Variants in PTPRZ1 observed in about 807,000 individuals in gnomAD.
PTPRZ1 encodes receptor-type tyrosine-protein phosphatase zeta.
A neutral mutation model predicts 214.1 loss-of-function variants in PTPRZ1; 82 were observed. That is an observed-to-expected ratio of 0.38 (90% CI 0.32 to 0.46). PTPRZ1 has a LOEUF of 0.46. Among genes scored for constraint, PTPRZ1 ranks in the 20% least tolerant of loss-of-function variants. PTPRZ1 has a pLI of 1.00. For missense variants in PTPRZ1, 2,603 were observed against 2,748.7 expected, an observed-to-expected ratio of 0.95 and a Z score of 1.19; for synonymous variants, 945 against 987.9, an observed-to-expected ratio of 0.96 and a Z score of 0.81.
chr7:121,896,156 T>C (rs796101498), intron 1 of PTPRZ1, among the ~76,000 whole-genome samples: 34 of 152,360 alleles, frequency 2.2e-4, no homozygotes, highest in African/African-American at 7.7e-4. Flanking sequence ...GTAATTGATA[T>C]AGAGTAGATG....
chr7:121,938,222 A>G (rs1796142980), intron 2 of PTPRZ1, among the ~76,000 whole-genome samples: 1 of 152,218 alleles, frequency 6.6e-6, no homozygotes, highest in African/African-American at 2.4e-5. Context: ...CAAGCATTAA[A>G]CCAGAATGTA....
intron 10 of PTPRZ1, 27 bp downstream of exon 10, chr7:121,998,033 A>G (rs371621171): frequency 5.6e-6 from 9 of 1,598,496 alleles, no homozygotes; most frequent in Admixed American, 1.7e-5. Flanking sequence ...ACATCTATAT[A>G]TTAACTCAAT....
At position 122,053,966 on chromosome 7, in the gene PTPRZ1, C is replaced by G. The variant is rs1562884817; in HGVS notation, c.6309C>G (p.Ile2103Met). 1 of 1,613,212 alleles carries G rather than the reference C, an allele frequency of 6.2e-7. No individual in the cohort carries two copies. Among genetic ancestry groups the G allele is most frequent in the Admixed American group, 1.7e-5 (1 of 59,992 alleles). ...CCCAGCACCCTCTCCTTCATACCAT[C>G]AAGGATTTCTGGAGGATGATATGGG... ...IITQHPLLHT[I>M]KDFWRMIWDH... The change falls in exon 26 of 30, where the codon ATC (isoleucine) becomes ATG (methionine). Residue 2103 changes from isoleucine (I) to methionine (M), a missense_variant. By Grantham distance (10) the Ile-to-Met change is conservative (BLOSUM62 1). This residue lies in a region of PTPRZ1 where 134 missense variants were observed against 183.3 expected (regional missense o/e 0.73). Transcript: ENST00000393386.
chr7:122,000,693 A>ATATATG (rs1798295883), intron 10 of PTPRZ1, among the ~76,000 whole-genome samples: 1 of 70,916 alleles, frequency 1.4e-5, no homozygotes, highest in African/African-American at 5.1e-5. Context: ...ATATATATAT[A>ATATATG]TATATATATT....
At chr7:121,995,586 C>G (rs1176303566) in intron 8 of PTPRZ1, among the ~76,000 whole-genome samples, 1 of 152,182 alleles carries the variant, frequency 6.6e-6, no homozygotes, top group Non-Finnish European at 1.5e-5. Flanking sequence ...TAAGAAGTCT[C>G]TGAATGATTT....
At chr7:122,029,540 G>T (rs537938260) in intron 14 of PTPRZ1, among the ~76,000 whole-genome samples, 2 of 152,024 alleles carry the variant, frequency 1.3e-5, no homozygotes, top group South Asian at 4.2e-4. Flanking sequence ...AGTTAAGAAA[G>T]TAGGGATACA....
intron 2 of PTPRZ1, among the ~76,000 whole-genome samples, chr7:121,949,809 A>G (rs781222679): frequency 5.3e-5 from 8 of 152,226 alleles, no homozygotes; most frequent in Non-Finnish European, 1.0e-4. Context: ...ACAGAAACCT[A>G]CTTTGATAGA....
intron 10 of PTPRZ1, among the ~76,000 whole-genome samples, chr7:122,002,937 G>A (rs938307280): frequency 1.3e-5 from 2 of 152,292 alleles, no homozygotes; most frequent in Admixed American, 6.5e-5. Flanking sequence ...ACTAGGTATT[G>A]TCTAATGGGC....
chr7:122,050,444 A>AGGGGAGGGGAAGGAAGGGGAGGG (rs1792138228), intron 23 of PTPRZ1, among the ~76,000 whole-genome samples: 11 of 35,710 alleles, frequency 3.1e-4, no homozygotes, highest in South Asian at 1.9e-3. Flanking sequence ...GAAGGGGAGG[A>AGGGGAGGGGAAGGAAGGGGAGGG]GAGGGGAGGG....
At chr7:121,976,387 G>T in intron 5 of PTPRZ1, 119 bp downstream of exon 5, 1 of 636,450 alleles carries the variant, frequency 1.6e-6, no homozygotes, top group South Asian at 3.1e-5. Context: ...AATTAAAACT[G>T]GTGGTCATTT....
chr7:121,935,465 G>C (rs1796050854), intron 2 of PTPRZ1, among the ~76,000 whole-genome samples: 1 of 151,962 alleles, frequency 6.6e-6, no homozygotes, highest in African/African-American at 2.4e-5. Context: ...TCCCCTTGCT[G>C]GGCCTCCTTT....
At chr7:121,995,327 G>C (rs1798100439) in intron 8 of PTPRZ1, among the ~76,000 whole-genome samples, 1 of 152,144 alleles carries the variant, frequency 6.6e-6, no homozygotes. Flanking sequence ...GGTGTCACCT[G>C]AAAACAAGTA....
chr7:122,006,826 G>C (rs760319374), intron 11 of PTPRZ1, among the ~76,000 whole-genome samples: 1 of 152,104 alleles, frequency 6.6e-6, no homozygotes. Context: ...TGATTCACAG[G>C]TGTGGGAAGT....
At chr7:121,886,020 C>G (rs1454299478) in intron 1 of PTPRZ1, among the ~76,000 whole-genome samples, 3 of 152,112 alleles carry the variant, frequency 2.0e-5, no homozygotes, top group African/African-American at 7.2e-5. Flanking sequence ...TGAGTTCTCA[C>G]TCTTAAATAC....
intron 3 of PTPRZ1, 105 bp downstream of exon 3, chr7:121,968,235 A>C: frequency 1.0e-6 from 1 of 982,996 alleles, no homozygotes; most frequent in Admixed American, 3.1e-5. Context: ...TATGAACTAG[A>C]TAGAAGTTAC....
At chr7:121,936,681 A>G (rs1796094916) in intron 2 of PTPRZ1, among the ~76,000 whole-genome samples, 1 of 152,228 alleles carries the variant, frequency 6.6e-6, no homozygotes, top group South Asian at 2.1e-4. Flanking sequence ...GTTATAGATT[A>G]CAGAAGCATA....
chr7:121,900,237 G>A (rs920531938), intron 1 of PTPRZ1, among the ~76,000 whole-genome samples: 4 of 152,116 alleles, frequency 2.6e-5, no homozygotes, highest in East Asian at 3.9e-4. Flanking sequence ...GGTCATAAAC[G>A]TGAACAAGGA....
chr7:121,927,398 A>G (rs1795797168), intron 1 of PTPRZ1, among the ~76,000 whole-genome samples: 1 of 152,230 alleles, frequency 6.6e-6, no homozygotes, highest in African/African-American at 2.4e-5. Context: ...TATTGGAAGC[A>G]GGCATGGCTC....
At chr7:121,930,400 T>C (rs1476998708) in intron 2 of PTPRZ1, among the ~76,000 whole-genome samples, 1 of 152,190 alleles carries the variant, frequency 6.6e-6, no homozygotes, top group African/African-American at 2.4e-5. Context: ...AAACAAATTA[T>C]ACCCAATTTA....
Sources: allele counts gnomAD v4.1 joint callset (sites outside exome capture counted in the v4.1 genomes callset), GRCh38; gene constraint gnomAD v4.1.1; regional missense constraint gnomAD v4.1.1; transcripts MANE v1.5; gene names NCBI Gene and HGNC (gene_info 2026-07-23, HGNC 2026-07-21).